Variants in ZNF445 observed in about 807,000 individuals in gnomAD.
The protein encoded by ZNF445 is zinc finger protein 168.
In ZNF445, 19 loss-of-function variants were observed where a neutral mutation model predicts 93.9. The observed-to-expected ratio is 0.20, with a 90% confidence interval of 0.14 to 0.30. The LOEUF is 0.30. Ranked by LOEUF, ZNF445 falls within the 10% of genes least tolerant of loss-of-function variation. The probability of loss-of-function intolerance (pLI) is 1.00; values close to 1 mark genes in which losing one functional copy is unlikely to be tolerated. For missense variants in ZNF445, 1,058 were observed against 1,259.4 expected, an observed-to-expected ratio of 0.84 and a Z score of 2.42; for synonymous variants, 449 against 446.3, an observed-to-expected ratio of 1.01 and a Z score of -0.08.
At chr3:44,461,546 C>T (rs529356438) in intron 1 of ZNF445, among the ~76,000 whole-genome samples, 2 of 152,150 alleles carry the variant, frequency 1.3e-5, no homozygotes, top group Admixed American at 6.5e-5. Flanking sequence ...GAAGACTCAA[C>T]GCTCAACAGG....
rs1230524647 is a variant in ZNF445, at chr3:44,448,065, T to C, written c.1606A>G (p.Thr536Ala). ...TCGCATTTATAAGGCTTCACTCCAGTGTGAATTTTCTCATGCCGCGCACAG... is the reference window on the plus strand; with the variant it reads ...TCGCATTTATAAGGCTTCACTCCAGCGTGAATTTTCTCATGCCGCGCACAG... ...SNCARHEKIH[T>A]GVKPYKCDLC... Residue 536 changes from threonine to alanine, a missense_variant, in exon 8 of 8, where the codon ACT (threonine) becomes GCT (alanine). Thr to Ala is a moderately conservative substitution (Grantham distance 58). Coordinates refer to ENST00000396077, the MANE Select transcript of ZNF445 (RefSeq NM_181489.6). 8 of 1,612,526 alleles carry C rather than the reference T, an allele frequency of 5.0e-6. No individual in the cohort carries two copies. Among genetic ancestry groups the C allele is most frequent in the Non-Finnish European group, 6.8e-6 (8 of 1,180,028 alleles).
At chr3:44,452,535 C>T (rs1697970863) in intron 3 of ZNF445, among the ~76,000 whole-genome samples, 2 of 152,184 alleles carry the variant, frequency 1.3e-5, no homozygotes, top group African/African-American at 4.8e-5. Context: ...TCCCAGCCCC[C>T]ACTGTCTTTT....
rs1301379845 is a variant in ZNF445, at chr3:44,440,823, G to A, written c.*5752C>T. 3 of 151,898 alleles carry A rather than the reference G, an allele frequency of 2.0e-5. No homozygotes were observed. Among genetic ancestry groups the A allele is most frequent in the African/African-American group, 2.4e-5 (1 of 41,332 alleles). The allele number at this position is 151,898 out of a possible 1,614,324, so 9.4% of individuals were successfully genotyped here. On this transcript the variant is annotated 3_prime_UTR_variant, in exon 8 of 8. Transcript: ENST00000396077. Reference sequence around the variant, plus strand: ...TAAACAAGGGGTAGATTATTCATAAGTTTCCCGGGAAAGGTGTGAGCAATT... The same window carrying A: ...TAAACAAGGGGTAGATTATTCATAAATTTCCCGGGAAAGGTGTGAGCAATT...
At chr3:44,468,267 T>G (rs936941539) in intron 1 of ZNF445, among the ~76,000 whole-genome samples, 1 of 152,272 alleles carries the variant, frequency 6.6e-6, no homozygotes, top group East Asian at 1.9e-4. Flanking sequence ...ACTGAAACTG[T>G]CATTGCAAAA....
intron 3 of ZNF445, among the ~76,000 whole-genome samples, chr3:44,453,528 C>G (rs746942543): frequency 2.0e-5 from 3 of 152,060 alleles, no homozygotes; most frequent in Non-Finnish European, 4.4e-5. Context: ...CTCCTGACCT[C>G]AACTGATCTG....
In ZNF445 at chr3:44,439,420, T is replaced by C. The variant is rs1198193482; in HGVS notation, c.*7155A>G. 6.6e-6 allele frequency: 1 copy of C among 151,702 alleles called. No homozygotes were observed. The highest frequency in any genetic ancestry group is 2.4e-5 in the African/African-American group (1 of 41,266). 9.4% of individuals were successfully genotyped at this position (151,702 alleles called of 1,614,324 possible). A position where few individuals can be genotyped will look rare whatever the true frequency, so the allele number is the denominator to read the frequency against. On this transcript the variant is annotated 3_prime_UTR_variant, in exon 8 of 8. Coordinates refer to ENST00000396077, the MANE Select transcript of ZNF445 (RefSeq NM_181489.6). ...ATATACCTCAGGGAAGGCCATTACA[T>C]GTTCTTCAGGCAAAAGGTGGTTAAC...
chr3:44,435,235 G>A lies in ZNF445; in HGVS notation c.*11340C>T, dbSNP rs997726341. The A allele has an allele frequency of 1.3e-5, 2 of 152,128 alleles. No individual in the cohort carries two copies. The highest frequency in any genetic ancestry group is 2.4e-5 in the African/African-American group (1 of 41,416). 9.4% of individuals were successfully genotyped at this position (152,128 alleles called of 1,614,324 possible). A position where few individuals can be genotyped will look rare whatever the true frequency, so the allele number is the denominator to read the frequency against. ...TCTCTCTAAGCCTCATCTTTGGGGA[G>A]GTGAATTTGAGAGCCATTCTCCCAT... On this transcript the variant is annotated 3_prime_UTR_variant, in exon 8 of 8. Coordinates refer to ENST00000396077, the MANE Select transcript of ZNF445 (RefSeq NM_181489.6).
In ZNF445 at chr3:44,447,690, C is replaced by T. The variant is rs1404331827; in HGVS notation, c.1981G>A (p.Gly661Ser). 2.5e-6 allele frequency: 4 copies of T among 1,614,034 alleles called. No individual in the cohort carries two copies. In the East Asian group the frequency reaches 8.9e-5, roughly 36 times the overall value. ...KFYKQDECREGFRQSPDCSQP... is the reference protein window; with the variant it reads ...KFYKQDECRESFRQSPDCSQP... ...CTGCAGTCAGGAGATTGCCTGAAGC[C>T]TTCACGACATTCATCTTGTTTGTAG... The change falls in exon 8 of 8, where the codon GGC (glycine) becomes AGC (serine). Residue 661 changes from glycine (G) to serine (S), a missense_variant. By Grantham distance (56) the Gly-to-Ser change is moderately conservative. Around this residue, in one of 3 missense-constraint regions of ZNF445, gnomAD observed 387 missense variants for 475.7 expected, o/e 0.81. Transcript: ENST00000396077. This position sits in a 1 kb window ranked among gnomAD's most constrained non-coding sequence, Gnocchi z 4.7.
Position 44,455,577 on chromosome 3 carries a change from A to G in ZNF445, c.-28T>C. On this transcript the variant is annotated 5_prime_UTR_variant, in exon 3 of 8. Transcript: ENST00000396077. ...CTCCTGTTCAGGGACTAACCAGAAGAGTGCGAACCAAGTCCACCTTAGACG... is the reference window on the plus strand; with the variant it reads ...CTCCTGTTCAGGGACTAACCAGAAGGGTGCGAACCAAGTCCACCTTAGACG... The G allele has an allele frequency of 6.5e-7, 1 of 1,532,444 alleles. No individual in the cohort carries two copies. Among genetic ancestry groups the G allele is most frequent in the Non-Finnish European group, 8.8e-7 (1 of 1,141,140 alleles). 94.9% of individuals were successfully genotyped at this position (1,532,444 alleles called of 1,614,324 possible).
At chr3:44,474,024 G>A (rs575075932) in intron 1 of ZNF445, among the ~76,000 whole-genome samples, 5 of 152,332 alleles carry the variant, frequency 3.3e-5, no homozygotes, top group African/African-American at 9.6e-5. Flanking sequence ...CAACACCACA[G>A]TAGTCATTGC....
In ZNF445 at chr3:44,446,969, C is replaced by A. The variant is rs778927336; in HGVS notation, c.2702G>T (p.Cys901Phe). Residue 901 changes from cysteine (C) to phenylalanine (F), a missense_variant, in exon 8 of 8, where the codon TGT becomes TTT. This residue lies in a region of ZNF445 where 387 missense variants were observed against 475.7 expected (regional missense o/e 0.81). Transcript: ENST00000396077. This position sits in a 1 kb window ranked among gnomAD's most constrained non-coding sequence, Gnocchi z 4.2. ...STERPFKCQW[C>F]GKEFIGRHTL... The stretch of plus-strand genomic sequence containing the variant: ...ATGTCTCCCAATGAACTCTTTCCCA[C>A]ACCACTGACATTTGAAAGGTCTCTC... 6.2e-7 allele frequency: 1 copy of A among 1,614,248 alleles called. No individual in the cohort carries two copies. The highest frequency in any genetic ancestry group is 2.2e-5 in the East Asian group (1 of 44,888).
rs1201209112 is a variant in ZNF445 at position 44,432,289 on chromosome 3, G to C, written c.*14286C>G. On this transcript the variant is annotated 3_prime_UTR_variant, in exon 8 of 8. Transcript: ENST00000396077. Reference sequence around the variant, plus strand: ...TGTGTGTGTCTGTGTGTGTGTGTGTGTGTGTGTGTGTGTGTGTGTGGATGG... The same window carrying C: ...TGTGTGTGTCTGTGTGTGTGTGTGTCTGTGTGTGTGTGTGTGTGTGGATGG... 1 of 152,064 alleles carries C rather than the reference G, an allele frequency of 6.6e-6. No individual in the cohort carries two copies. Among genetic ancestry groups the C allele is most frequent in the African/African-American group, 2.4e-5 (1 of 41,284 alleles). 9.4% of individuals were successfully genotyped at this position (152,064 alleles called of 1,614,324 possible).
Position 44,440,283 on chromosome 3 carries a change from C to T in ZNF445, c.*6292G>A, listed in dbSNP as rs1018739411. 27 of 152,200 alleles carry T rather than the reference C, an allele frequency of 1.8e-4. No homozygotes were observed. Among genetic ancestry groups the T allele is most frequent in the African/African-American group, 6.3e-4 (26 of 41,436 alleles). 9.4% of individuals were successfully genotyped at this position (152,200 alleles called of 1,614,324 possible). ...ACATTAACTTTAAAAGGTGTGGTAG[C>T]TGGCATACAAGTATTTACTCTCCTT... On this transcript the variant is annotated 3_prime_UTR_variant, in exon 8 of 8. Coordinates refer to ENST00000396077, the MANE Select transcript of ZNF445 (RefSeq NM_181489.6).
intron 3 of ZNF445, among the ~76,000 whole-genome samples, chr3:44,452,806 G>A (rs893732301): frequency 3.3e-5 from 5 of 151,710 alleles, no homozygotes; most frequent in South Asian, 2.1e-4. Flanking sequence ...GTTATACCCT[G>A]TGTCTATTTA....
Position 44,447,889 on chromosome 3 carries a change from C to A in ZNF445, c.1782G>T (p.Glu594Asp), listed in dbSNP as rs1182710945. The change falls in exon 8 of 8, where the codon GAG (glutamate) becomes GAT (aspartate). Residue 594 changes from glutamate (E) to aspartate (D), a missense_variant. By Grantham distance (45) the Glu-to-Asp change is conservative. This residue lies in a region of ZNF445 where 657 missense variants were observed against 746.4 expected (regional missense o/e 0.88). Coordinates refer to ENST00000396077, the MANE Select transcript of ZNF445 (RefSeq NM_181489.6). The surrounding 1 kb of genome is among the most constrained non-coding windows in gnomAD (Gnocchi z 4.7). ...TGCACTGGCTGCAGTCAAAGAGTTT[C>A]TCCCCACTTTGGTCTCCCAAATGAT... ...FDHHLGDQSG[E>D]KLFDCSQCRK... The A allele has an allele frequency of 6.2e-7, 1 of 1,613,984 alleles. No homozygotes were observed. The highest frequency in any genetic ancestry group is 1.7e-5 in the Admixed American group (1 of 60,014).
Position 44,435,411 on chromosome 3 carries a change from T to C in ZNF445, c.*11164A>G, listed in dbSNP as rs1239012568. 2 of 152,224 alleles carry C rather than the reference T, an allele frequency of 1.3e-5. No individual in the cohort carries two copies. Among genetic ancestry groups the C allele is most frequent in the Non-Finnish European group, 1.5e-5 (1 of 68,040 alleles). The allele number at this position is 152,224 out of a possible 1,614,324, so 9.4% of individuals were successfully genotyped here. ...GTCAGACGTATCGTTTGCTCAGCAC[T>C]GAAACCACATGTGGAAACAGCACCT... is the stretch of plus-strand genomic sequence containing the variant. On this transcript the variant is annotated 3_prime_UTR_variant, in exon 8 of 8. Coordinates refer to ENST00000396077, the MANE Select transcript of ZNF445 (RefSeq NM_181489.6).
Position 44,446,432 on chromosome 3 carries a change from T to C in ZNF445, c.*143A>G. On this transcript the variant is annotated 3_prime_UTR_variant, in exon 8 of 8. Transcript: ENST00000396077. The surrounding 1 kb of genome is among the most constrained non-coding windows in gnomAD (Gnocchi z 4.2). ...AGGCAGGCTGGGGACTCCCCGAGCT[T>C]TCAAATCCTTGGGATTCTGTCACTA... 1 of 1,293,080 alleles carries C rather than the reference T, an allele frequency of 7.7e-7. No homozygotes were observed. The highest frequency in any genetic ancestry group is 1.4e-5 in the South Asian group (1 of 70,612). The allele number at this position is 1,293,080 out of a possible 1,614,324, so 80.1% of individuals were successfully genotyped here.
rs1306114457 is a variant in ZNF445, at chr3:44,438,133, T to A, written c.*8442A>T. 1 of 151,698 alleles carries A rather than the reference T, an allele frequency of 6.6e-6. No individual in the cohort carries two copies. The highest frequency in any genetic ancestry group is 2.4e-5 in the African/African-American group (1 of 41,276). The allele number at this position is 151,698 out of a possible 1,614,324, so 9.4% of individuals were successfully genotyped here. ...ATTATGCAATTTGGAGAGTACTGTA[T>A]CTCCTCAGTCACATTTTGCACTTCA... On this transcript the variant is annotated 3_prime_UTR_variant, in exon 8 of 8. Coordinates refer to ENST00000396077, the MANE Select transcript of ZNF445 (RefSeq NM_181489.6).
rs1408007465 is a variant in ZNF445 at position 44,455,271 on chromosome 3, C to T, written c.279G>A (p.Gln93=). The T allele has an allele frequency of 5.0e-6, 8 of 1,614,124 alleles. No homozygotes were observed. Among genetic ancestry groups the T allele is most frequent in the Non-Finnish European group, 5.9e-6 (7 of 1,180,040 alleles). ...GTTCCAGCACCAGCAGCTCTAGGAT[C>T]TGTGCCTTGGAGAGAACGTCAGGCC... ...WLRPDVLSKA[Q]ILELLVLEQF... is the part of the protein sequence containing the mutation. Residue 93 remains glutamine (Q), a synonymous_variant, in exon 3 of 8, where the codon CAG becomes CAA. Transcript: ENST00000396077.
Sources: allele counts gnomAD v4.1 joint callset (sites outside exome capture counted in the v4.1 genomes callset), GRCh38; gene constraint gnomAD v4.1.1; regional missense constraint gnomAD v4.1.1; non-coding constraint Gnocchi (gnomAD v3.1); transcripts MANE v1.5; gene names NCBI Gene and HGNC (gene_info 2026-07-23, HGNC 2026-07-21).